The following DTNB variants were observed in gnomAD, a reference collection of about 807,000 sequenced individuals.
The protein encoded by DTNB is dystrobrevin beta, also known as DTN-B.
In DTNB, 63 loss-of-function variants were observed where a neutral mutation model predicts 90.7. The observed-to-expected ratio is 0.69, with a 90% CI of 0.57 to 0.86. The LOEUF (loss-of-function observed/expected upper bound fraction) is 0.86, where lower values mean the gene tolerates loss of function less well. DTNB is among the 40% of genes least tolerant of loss of function. The pLI is 0.00. For missense variants in DTNB, 744 were observed against 807.1 expected (o/e 0.92, Z 0.95); for synonymous variants, 277 against 286.7 (o/e 0.97, Z 0.34).
intron 6 of DTNB, among the ~76,000 whole-genome samples, chr2:25,589,450 G>A (rs1367976115): frequency 8.0e-6 from 1 of 124,616 alleles, no homozygotes; most frequent in African/African-American, 3.1e-5. Context: ...GTGCCATCTC[G>A]GCTCACTGCA....
intron 8 of DTNB, among the ~76,000 whole-genome samples, chr2:25,569,178 G>A (rs1003359854): frequency 6.6e-6 from 1 of 152,124 alleles, no homozygotes; most frequent in Non-Finnish European, 1.5e-5. Context: ...CCCCAGCGAA[G>A]GCCCCAGATG....
chr2:25,533,839 C>T (rs150589060), intron 8 of DTNB, among the ~76,000 whole-genome samples: 194 of 152,292 alleles, frequency 1.3e-3, no homozygotes, highest in African/African-American at 4.5e-3. Flanking sequence ...CTGCTCCATA[C>T]GACAGCAAGT....
intron 16 of DTNB, among the ~76,000 whole-genome samples, chr2:25,404,040 C>A (rs1357498947): frequency 6.6e-6 from 1 of 152,210 alleles, no homozygotes; most frequent in Non-Finnish European, 1.5e-5. Flanking sequence ...GTGGGGATAA[C>A]AATATCTACC....
chr2:25,474,617 C>T (rs991103202), intron 10 of DTNB, among the ~76,000 whole-genome samples: 1 of 152,178 alleles, frequency 6.6e-6, no homozygotes, highest in African/African-American at 2.4e-5. Context: ...AAACTCTTTA[C>T]CTTGTCACCC....
At chr2:25,529,530 A>T (rs1017175734) in intron 9 of DTNB, among the ~76,000 whole-genome samples, 1 of 152,164 alleles carries the variant, frequency 6.6e-6, no homozygotes, top group African/African-American at 2.4e-5. Context: ...CATTATGGGG[A>T]ACAGATAAAC....
At chr2:25,672,203 C>CAAAAAAAAAA (rs5829985) in intron 1 of DTNB, among the ~76,000 whole-genome samples, 4 of 42,472 alleles carry the variant, frequency 9.4e-5, no homozygotes, top group African/African-American at 3.5e-4. Context: ...CCTCGCATAG[C>CAAAAAAAAAA]AAAAAAAAAA....
intron 1 of DTNB, among the ~76,000 whole-genome samples, chr2:25,671,883 C>T (rs959599267): frequency 2.0e-5 from 3 of 152,158 alleles, no homozygotes; most frequent in African/African-American, 4.8e-5. Context: ...AGGCAGAGCA[C>T]AGGTAGAATT....
chr2:25,447,545 C>T (rs1018572446), intron 12 of DTNB, among the ~76,000 whole-genome samples: 1 of 140,446 alleles, frequency 7.1e-6, no homozygotes, highest in Admixed American at 7.5e-5. Context: ...TGCTCTGTTG[C>T]CCAGGCTGGA....
rs1250891624 is a variant in DTNB, at chr2:25,387,346, CCAG to C, written c.1765_1767del (p.Leu589del). 6.2e-7 allele frequency: 1 copy of C among 1,612,320 alleles called. No homozygotes were observed. The highest frequency in any genetic ancestry group is 1.7e-5 in the Admixed American group (1 of 60,002). ...GTGTTGGTGATGGAGTCAGCTGCCACCAGCAGGTCATTGCGGAGGTTTCTCCTC... is the reference window on the plus strand; with the variant it reads ...GTGTTGGTGATGGAGTCAGCTGCCACCAGGTCATTGCGGAGGTTTCTCCTC... On this transcript the variant is annotated inframe_deletion, in exon 18 of 21. Transcript: ENST00000406818. This position sits in a 1 kb window ranked among gnomAD's most constrained non-coding sequence, Gnocchi z 4.5.
chr2:25,670,271 A>G (rs1230890653), intron 1 of DTNB, among the ~76,000 whole-genome samples: 1 of 152,210 alleles, frequency 6.6e-6, no homozygotes, highest in Admixed American at 6.5e-5. Context: ...TGTATTACCT[A>G]TATATACATG....
Position 25,490,457 on chromosome 2 carries a change from A to G in DTNB, c.1002-7584T>C, listed in dbSNP as rs532139241. On this transcript the variant is annotated intron_variant, in intron 9 of 20. Coordinates refer to ENST00000406818, the MANE Select transcript of DTNB (RefSeq NM_021907.5). ...AAGTGATTTGGCAATATGTCCATCA[A>G]AGATCTTAGAAAACATTCAAACACT... Among the ~76,000 whole-genome samples the G allele has an allele frequency of 2.6e-5, 4 of 152,294 alleles. No individual in the cohort carries two copies. In the South Asian group the frequency reaches 8.3e-4, roughly 32 times the overall value.
chr2:25,552,572 G>A (rs1000332281), intron 8 of DTNB, among the ~76,000 whole-genome samples: 1 of 152,128 alleles, frequency 6.6e-6, no homozygotes, highest in African/African-American at 2.4e-5. Flanking sequence ...AGCAATGCTC[G>A]CCTGCCCTGG....
chr2:25,419,440 A>G (rs1386358568), intron 16 of DTNB, 75 bp downstream of exon 16: 1 of 1,548,430 alleles, frequency 6.5e-7, no homozygotes, highest in African/African-American at 1.4e-5. Flanking sequence ...GGAGAAGAGG[A>G]GAAACATTTA....
At chr2:25,645,740 C>T (rs1292169030) in intron 2 of DTNB, among the ~76,000 whole-genome samples, 3 of 151,980 alleles carry the variant, frequency 2.0e-5, no homozygotes, top group Non-Finnish European at 4.4e-5. Context: ...TGCACCTGGT[C>T]CTTAAAAAAA....
At chr2:25,454,149 CAAA>C (rs55676356) in intron 11 of DTNB, among the ~76,000 whole-genome samples, 8 of 99,326 alleles carry the variant, frequency 8.1e-5, no homozygotes, top group Admixed American at 3.1e-4. Context: ...GACTCTGTCT[CAAA>C]AAAAAAAAAA....
At chr2:25,560,568 T>C (rs529917476) in intron 8 of DTNB, among the ~76,000 whole-genome samples, 7 of 151,482 alleles carry the variant, frequency 4.6e-5, no homozygotes, top group Admixed American at 1.3e-4. Context: ...CTACCCACCA[T>C]TGGTTCTCCT....
chr2:25,668,795 T>C (rs908470215), intron 1 of DTNB, among the ~76,000 whole-genome samples: 2 of 152,082 alleles, frequency 1.3e-5, no homozygotes, highest in Admixed American at 6.5e-5. Flanking sequence ...ACAAAAGAAA[T>C]GGAAACAGAG....
chr2:25,459,863 G>A (rs773838719), intron 10 of DTNB, among the ~76,000 whole-genome samples: 2 of 152,086 alleles, frequency 1.3e-5, no homozygotes, highest in South Asian at 2.1e-4. Flanking sequence ...ATCCCAGCAC[G>A]TTGGGAGGAC....
chr2:25,593,216 C>A (rs907566655), intron 6 of DTNB, among the ~76,000 whole-genome samples: 1 of 152,174 alleles, frequency 6.6e-6, no homozygotes, highest in Non-Finnish European at 1.5e-5. Context: ...TAATTGTGAT[C>A]GCTTTTTTGT....
Sources: gnomAD v4.1 joint callset for allele counts (sites outside exome capture counted in the v4.1 genomes callset) on GRCh38, gnomAD v4.1.1 for gene constraint, Gnocchi (gnomAD v3.1) non-coding constraint, MANE v1.5 for transcripts, NCBI Gene and HGNC (gene_info 2026-07-23, HGNC 2026-07-21) for gene names.